Variants in NR5A2 observed in about 807,000 individuals in gnomAD.
The protein encoded by NR5A2 is nuclear receptor subfamily 5 group A member 2, also known as CYP7A promoter-binding factor.
NR5A2 carries 26 observed loss-of-function variants against 62.7 expected under a neutral mutation model. That is an observed-to-expected ratio of 0.41 (90% CI 0.30 to 0.58). The LOEUF (loss-of-function observed/expected upper bound fraction) is 0.58, where lower values mean the gene tolerates loss of function less well. Ranked by LOEUF, NR5A2 falls within the 20% of genes least tolerant of loss-of-function variation. The probability of loss-of-function intolerance (pLI) is 0.22; values close to 1 mark genes in which losing one functional copy is unlikely to be tolerated. For synonymous variants in NR5A2, 246 were observed against 241.7 expected (o/e 1.02, Z -0.16); for missense variants, 541 against 669.1 (o/e 0.81, Z 2.11).
At chr1:200,091,640 A>G (rs755264676) in intron 5 of NR5A2, among the ~76,000 whole-genome samples, 4 of 151,978 alleles carry the variant, frequency 2.6e-5, no homozygotes, top group Non-Finnish European at 4.4e-5. Context: ...GTACACTACC[A>G]TGCCCAGCTA....
intron 5 of NR5A2, among the ~76,000 whole-genome samples, chr1:200,082,782 G>A (rs917959357): frequency 6.6e-6 from 1 of 152,110 alleles, no homozygotes; most frequent in Non-Finnish European, 1.5e-5. Flanking sequence ...TTTATAATTA[G>A]TTGTCAGCTT....
chr1:200,156,367 C>G (rs1653384647), intron 7 of NR5A2, among the ~76,000 whole-genome samples: 1 of 152,168 alleles, frequency 6.6e-6, no homozygotes, highest in Non-Finnish European at 1.5e-5. Flanking sequence ...CAATCCACAT[C>G]CAGTAGAAAC....
At chr1:200,173,909 A>G in intron 7 of NR5A2, 54 bp from the exon 8 acceptor site, 1 of 1,396,702 alleles carries the variant, frequency 7.2e-7, no homozygotes, top group Non-Finnish European at 9.4e-7. Context: ...TTTAGTAAAC[A>G]GGAATTGAAA....
intron 1 of NR5A2, among the ~76,000 whole-genome samples, chr1:200,033,541 C>T (rs936732276): frequency 6.6e-6 from 1 of 152,198 alleles, no homozygotes; most frequent in African/African-American, 2.4e-5. Context: ...CTCTGCTTCC[C>T]GGCCTTCTGC....
chr1:200,113,903 G>A (rs1363593885), intron 6 of NR5A2, among the ~76,000 whole-genome samples: 1 of 152,048 alleles, frequency 6.6e-6, no homozygotes, highest in African/African-American at 2.4e-5. Flanking sequence ...AAAAGAGGCC[G>A]GGCACAGTGG....
chr1:200,112,950 C>T (rs1666027567), intron 6 of NR5A2, among the ~76,000 whole-genome samples: 2 of 152,190 alleles, frequency 1.3e-5, no homozygotes, highest in African/African-American at 4.8e-5. Flanking sequence ...ACTTCCATTC[C>T]TGCTCTTTAG....
chr1:200,030,979 G>A (rs568305297), intron 1 of NR5A2, among the ~76,000 whole-genome samples: 7 of 152,270 alleles, frequency 4.6e-5, no homozygotes, highest in Admixed American at 4.6e-4. Context: ...CGTTTCATCA[G>A]CGGAAAGTGT....
chr1:200,135,521 CAAA>C (rs565158746), intron 7 of NR5A2, among the ~76,000 whole-genome samples: 1 of 103,282 alleles, frequency 9.7e-6, no homozygotes. Flanking sequence ...ACTTCATCTC[CAAA>C]AAAAAAAAAA....
rs145972739 is a variant in NR5A2, at chr1:200,061,987, A to G, written c.1110+13169A>G. ...GATACATGTTGAATTAACGTGCTCAAGACATAAAGGACGGATACAGATTTC... is the reference window on the plus strand; with the variant it reads ...GATACATGTTGAATTAACGTGCTCAGGACATAAAGGACGGATACAGATTTC... On this transcript the variant is annotated intron_variant, in intron 5 of 7. Coordinates refer to ENST00000367362, the MANE Select transcript of NR5A2 (RefSeq NM_205860.3). Among the ~76,000 whole-genome samples the G allele has an allele frequency of 9.1e-4, 139 of 152,336 alleles. 1 individual carries two copies. In the East Asian group the frequency reaches 0.026, roughly 28 times the overall value.
chr1:200,043,991 G>C, intron 3 of NR5A2, 99 bp downstream of exon 3: 2 of 717,950 alleles, frequency 2.8e-6, no homozygotes, highest in Non-Finnish European at 4.8e-6. Context: ...CTTTTTTAAA[G>C]ACTCAACTAA....
Position 200,039,812 on chromosome 1 carries a change from C to A in NR5A2, c.202+17C>A. ...ACATGCAAGGTAAGGAGGCGCCGCG[C>A]GGCGCTCCGGCTCCCGCTGCTTCCC... On this transcript the variant is annotated intron_variant, in intron 2 of 7. Transcript: ENST00000367362. This position sits in a 1 kb window ranked among gnomAD's most constrained non-coding sequence, Gnocchi z 5.1. 1 of 1,585,244 alleles carries A rather than the reference C, an allele frequency of 6.3e-7. No homozygotes were observed. Among genetic ancestry groups the A allele is most frequent in the Non-Finnish European group, 8.6e-7 (1 of 1,168,618 alleles).
chr1:200,028,496 G>A (rs796152605), intron 1 of NR5A2, among the ~76,000 whole-genome samples: 12 of 149,198 alleles, frequency 8.0e-5, no homozygotes, highest in African/African-American at 2.0e-4. Flanking sequence ...ACTGTTTCTC[G>A]CAACAATTAG....
chr1:200,077,877 C>A (rs2737655), intron 5 of NR5A2, among the ~76,000 whole-genome samples: 75,007 of 151,926 alleles, frequency 0.49, 18,563 homozygotes, highest in African/African-American at 0.53. Context: ...AGGGCTTTGA[C>A]TTCTGTTCTC....
At chr1:200,061,186 A>G (rs1468599218) in intron 5 of NR5A2, among the ~76,000 whole-genome samples, 1 of 150,496 alleles carries the variant, frequency 6.6e-6, no homozygotes, top group Admixed American at 6.7e-5. Flanking sequence ...CTGCCTGATC[A>G]TTTCTCTCAG....
intron 7 of NR5A2, among the ~76,000 whole-genome samples, chr1:200,144,701 C>T (rs1030045244): frequency 1.3e-5 from 2 of 152,202 alleles, no homozygotes; most frequent in African/African-American, 4.8e-5. Context: ...TATTAAGAAA[C>T]TCTTGTGTAC....
intron 7 of NR5A2, among the ~76,000 whole-genome samples, chr1:200,128,551 T>C (rs1666827155): frequency 6.6e-6 from 1 of 152,216 alleles, no homozygotes; most frequent in Admixed American, 6.5e-5. Context: ...GGATGTATTT[T>C]AACTGCTTGT....
chr1:200,113,871 GAA>G (rs993849866), intron 6 of NR5A2, among the ~76,000 whole-genome samples: 1 of 152,036 alleles, frequency 6.6e-6, no homozygotes, highest in African/African-American at 2.4e-5. Context: ...TATGCTAGAG[GAA>G]AAGAGGATTT....
intron 5 of NR5A2, among the ~76,000 whole-genome samples, chr1:200,088,816 T>C (rs1158459792): frequency 1.3e-5 from 2 of 152,182 alleles, no homozygotes; most frequent in Non-Finnish European, 2.9e-5. Context: ...CCATGGGAAA[T>C]GCCTCTTGTG....
At chr1:200,118,774 G>T (rs1571508876) in intron 6 of NR5A2, among the ~76,000 whole-genome samples, 1 of 152,368 alleles carries the variant, frequency 6.6e-6, no homozygotes, top group Admixed American at 6.5e-5. Flanking sequence ...CCCTGTAAGA[G>T]AACTGGCAAA....
Sources: gnomAD v4.1 joint callset for allele counts (sites outside exome capture counted in the v4.1 genomes callset) on GRCh38, gnomAD v4.1.1 for gene constraint, Gnocchi (gnomAD v3.1) non-coding constraint, MANE v1.5 for transcripts, NCBI Gene and HGNC (gene_info 2026-07-23, HGNC 2026-07-21) for gene names.